PDGFD: variants seen among roughly 807,000 people sequenced by gnomAD.
PDGFD encodes platelet derived growth factor D.
Under a neutral mutation model 44.7 loss-of-function variants are expected in PDGFD, and 30 were observed. The observed-to-expected ratio is 0.67, with a 90% CI of 0.50 to 0.91. The LOEUF (loss-of-function observed/expected upper bound fraction) is 0.91, where lower values mean the gene tolerates loss of function less well. Ranked by LOEUF, PDGFD falls within the 40% of genes least tolerant of loss-of-function variation. PDGFD has a pLI of 0.00. For missense variants in PDGFD, 445 were observed against 457.8 expected, an observed-to-expected ratio of 0.97 and a Z score of 0.25; for synonymous variants, 173 against 168.4, an observed-to-expected ratio of 1.03 and a Z score of -0.21.
chr11:104,010,553 G>C (rs1174294221), intron 1 of PDGFD, among the ~76,000 whole-genome samples: 1 of 151,814 alleles, frequency 6.6e-6, no homozygotes, highest in Non-Finnish European at 1.5e-5. Flanking sequence ...GTATTTTATA[G>C]GTAATTACAG....
intron 1 of PDGFD, among the ~76,000 whole-genome samples, chr11:104,144,987 A>C (rs557516177): frequency 6.6e-6 from 1 of 152,370 alleles, no homozygotes; most frequent in East Asian, 1.9e-4. Context: ...AAAAATGTGG[A>C]AAAGTGAAAA....
intron 1 of PDGFD, among the ~76,000 whole-genome samples, chr11:104,021,645 G>T (rs1388046201): frequency 2.0e-5 from 3 of 152,146 alleles, no homozygotes; most frequent in African/African-American, 7.2e-5. Flanking sequence ...CTGACTCTGG[G>T]AGCCAGCACC....
chr11:104,073,813 C>T (rs1354934702), intron 1 of PDGFD, among the ~76,000 whole-genome samples: 1 of 152,156 alleles, frequency 6.6e-6, no homozygotes. Context: ...TTGCTGAGGA[C>T]TGCATATTTT....
chr11:103,919,602 G>T (rs959210964), intron 6 of PDGFD, among the ~76,000 whole-genome samples: 1 of 135,818 alleles, frequency 7.4e-6, no homozygotes, highest in African/African-American at 2.8e-5. Flanking sequence ...TCCACCTCCC[G>T]GGTTCAAGTG....
chr11:104,077,264 C>G (rs971724181), intron 1 of PDGFD, among the ~76,000 whole-genome samples: 1 of 152,130 alleles, frequency 6.6e-6, no homozygotes, highest in African/African-American at 2.4e-5. Context: ...TGACTGGTGA[C>G]AAGCCTGGAG....
At chr11:104,118,840 A>T (rs1478057245) in intron 1 of PDGFD, among the ~76,000 whole-genome samples, 1 of 31,122 alleles carries the variant, frequency 3.2e-5, no homozygotes, top group African/African-American at 1.3e-4. Context: ...ATTAATATAT[A>T]ATATATTATA....
intron 3 of PDGFD, among the ~76,000 whole-genome samples, chr11:103,981,086 G>A (rs1255081392): frequency 2.2e-4 from 33 of 149,216 alleles, no homozygotes; most frequent in Non-Finnish European, 4.6e-4. Context: ...AATATTGAGA[G>A]GTGGGGCCTA....
At chr11:103,926,113 T>G (rs1002763259) in intron 6 of PDGFD, among the ~76,000 whole-genome samples, 1 of 152,102 alleles carries the variant, frequency 6.6e-6, no homozygotes, top group African/African-American at 2.4e-5. Flanking sequence ...GGAGTTGGAG[T>G]CCTGGCTCTG....
At chr11:104,156,006 T>C (rs1862302083) in intron 1 of PDGFD, among the ~76,000 whole-genome samples, 1 of 152,196 alleles carries the variant, frequency 6.6e-6, no homozygotes, top group Non-Finnish European at 1.5e-5. Flanking sequence ...CTGCAGTTAA[T>C]AACAATGTAC....
At chr11:104,031,207 C>CTA (rs1424372938) in intron 1 of PDGFD, among the ~76,000 whole-genome samples, 1 of 152,084 alleles carries the variant, frequency 6.6e-6, no homozygotes, top group Non-Finnish European at 1.5e-5. Flanking sequence ...AATAGACAAC[C>CTA]TATAGAATGG....
intron 1 of PDGFD, among the ~76,000 whole-genome samples, chr11:104,014,204 A>G (rs538071301): frequency 6.6e-6 from 1 of 152,298 alleles, no homozygotes; most frequent in East Asian, 1.9e-4. Context: ...CTTCATGCCT[A>G]TTCCACAAGA....
chr11:104,163,698 G>T, intron 1 of PDGFD, 106 bp downstream of exon 1: 1 of 1,321,562 alleles, frequency 7.6e-7, no homozygotes. Context: ...CATTCAGCCC[G>T]AGTTCACATT....
chr11:104,077,010 C>A (rs904268776), intron 1 of PDGFD, among the ~76,000 whole-genome samples: 1 of 152,070 alleles, frequency 6.6e-6, no homozygotes, highest in African/African-American at 2.4e-5. Context: ...TGTTAATTGA[C>A]TGTTTATAAT....
At chr11:104,027,742 T>C (rs1190337685) in intron 1 of PDGFD, among the ~76,000 whole-genome samples, 1 of 152,170 alleles carries the variant, frequency 6.6e-6, no homozygotes, top group East Asian at 1.9e-4. Context: ...TATAAAAAAA[T>C]AGAATAACAT....
At chr11:104,162,479 A>G (rs1445445111) in intron 1 of PDGFD, among the ~76,000 whole-genome samples, 1 of 152,126 alleles carries the variant, frequency 6.6e-6, no homozygotes, top group African/African-American at 2.4e-5. Flanking sequence ...TAAATAAATA[A>G]ATTACGTGCT....
At chr11:104,046,813 A>C (rs1409252995) in intron 1 of PDGFD, among the ~76,000 whole-genome samples, 3 of 146,804 alleles carry the variant, frequency 2.0e-5, no homozygotes, top group African/African-American at 7.4e-5. Context: ...ACACAGGTAT[A>C]CGCATGCTAT....
intron 3 of PDGFD, among the ~76,000 whole-genome samples, chr11:103,974,577 G>GT (rs1000777117): frequency 2.2e-4 from 34 of 152,176 alleles, no homozygotes; most frequent in African/African-American, 7.9e-4. Flanking sequence ...CATCATCTAG[G>GT]TTTTAAGCCC....
rs116043301 is a variant in PDGFD, at chr11:104,112,409, G to T, written c.124+51395C>A. On this transcript the variant is annotated intron_variant, in intron 1 of 6. Coordinates refer to ENST00000393158, the MANE Select transcript of PDGFD (RefSeq NM_025208.5). ...GTTTTCTTGTGAGTTTAAAAGAAATGCTTATTCACTGTTGGTGGGAGTGTA... is the reference window on the plus strand; with the variant it reads ...GTTTTCTTGTGAGTTTAAAAGAAATTCTTATTCACTGTTGGTGGGAGTGTA... 5.8e-3 allele frequency among the ~76,000 whole-genome samples: 876 copies of T among 152,018 alleles called. 5 individuals are homozygous for T. Among genetic ancestry groups the T allele is most frequent in the African/African-American group, 0.02 (839 of 41,468 alleles).
chr11:104,163,420 C>G (rs4755010), intron 1 of PDGFD, among the ~76,000 whole-genome samples: 92,065 of 152,058 alleles, frequency 0.61, 28,600 homozygotes, highest in African/African-American at 0.76. Context: ...CTACTCTTGA[C>G]TCCTTCCACC....
Sources: gnomAD v4.1 joint callset for allele counts (sites outside exome capture counted in the v4.1 genomes callset) on GRCh38, gnomAD v4.1.1 for gene constraint, MANE v1.5 for transcripts, NCBI Gene and HGNC (gene_info 2026-07-23, HGNC 2026-07-21) for gene names.